The following DNAH6 variants were observed in gnomAD, a reference collection of about 807,000 sequenced individuals.
The protein encoded by DNAH6 is dynein axonemal heavy chain 6.
In DNAH6, 340 loss-of-function variants were observed where a neutral mutation model predicts 491.4. The ratio of observed to expected loss-of-function variants is 0.69; its 90% CI spans 0.63 to 0.76. The LOEUF (loss-of-function observed/expected upper bound fraction) is 0.76, where lower values mean the gene tolerates loss of function less well. Among genes scored for constraint, DNAH6 ranks in the 30% least tolerant of loss-of-function variants. DNAH6 has a pLI of 0.00. For synonymous variants in DNAH6, 1,603 were observed against 1,686.1 expected, an observed-to-expected ratio of 0.95 and a Z score of 1.21; for missense variants, 4,443 against 4,972.2, an observed-to-expected ratio of 0.89 and a Z score of 3.20.
intron 63 of DNAH6, among the ~76,000 whole-genome samples, chr2:84,753,755 T>TAA (rs1162541312): frequency 0.05 from 3,855 of 77,074 alleles, 140 homozygotes; most frequent in South Asian, 0.065. Flanking sequence ...GAAACTCTGT[T>TAA]AAAAAAAAAA....
intron 68 of DNAH6, among the ~76,000 whole-genome samples, chr2:84,792,609 CAGTT>C (rs1429351609): frequency 2.0e-5 from 3 of 152,038 alleles, no homozygotes; most frequent in South Asian, 4.2e-4. Flanking sequence ...ACTAGAGAAA[CAGTT>C]AGTAGCTCCA....
intron 55 of DNAH6, among the ~76,000 whole-genome samples, chr2:84,709,977 G>T (rs561296518): frequency 6.6e-6 from 1 of 152,310 alleles, no homozygotes; most frequent in Non-Finnish European, 1.5e-5. Context: ...CATGGATCAG[G>T]TTGTACTAAA....
chr2:84,521,536 A>C (rs1156268820), intron 2 of DNAH6, among the ~76,000 whole-genome samples: 1 of 152,138 alleles, frequency 6.6e-6, no homozygotes, highest in Non-Finnish European at 1.5e-5. Flanking sequence ...CTTTGTCATG[A>C]AATCTTTGCC....
rs1675761941 is a variant in DNAH6, at chr2:84,518,032, C to T, written c.206C>T (p.Pro69Leu). ...GAGAAGACAAGAAAACGACAGCAGC[C>T]TATAAAACTAGAGCCTTTGGTAAGT... ...AQEKTRKRQQ[P>L]IKLEPLPVLK... Residue 69 changes from proline to leucine, a missense_variant, in exon 2 of 77, where the codon CCT becomes CTT. Physicochemically the swap from Pro to Leu is moderately conservative, Grantham distance 98. Around this residue, in one of 3 missense-constraint regions of DNAH6, gnomAD observed 2,977 missense variants for 3,296.6 expected, o/e 0.90. Transcript: ENST00000389394. 6.5e-6 allele frequency: 10 copies of T among 1,548,278 alleles called. No homozygotes were observed. Among genetic ancestry groups the T allele is most frequent in the Non-Finnish European group, 8.7e-6 (10 of 1,146,184 alleles).
intron 45 of DNAH6, among the ~76,000 whole-genome samples, chr2:84,692,043 G>A (rs754028276): frequency 3.3e-5 from 5 of 152,252 alleles, no homozygotes; most frequent in Non-Finnish European, 7.3e-5. Flanking sequence ...CTGGGAGTCT[G>A]TGCCTTGTCC....
At chr2:84,677,235 CATCT>C in intron 41 of DNAH6, 99 bp downstream of exon 41, 1 of 1,451,910 alleles carries the variant, frequency 6.9e-7, no homozygotes, top group Non-Finnish European at 9.4e-7. Context: ...CTAAGGAGTC[CATCT>C]ATCCGTCTCT....
intron 72 of DNAH6, among the ~76,000 whole-genome samples, chr2:84,810,386 TCAAA>T (rs932594423): frequency 6.6e-6 from 1 of 152,110 alleles, no homozygotes; most frequent in African/African-American, 2.4e-5. Context: ...CTTTTTCTGG[TCAAA>T]CAAACCCCAG....
At chr2:84,655,379 G>A (rs986473354) in intron 35 of DNAH6, among the ~76,000 whole-genome samples, 3 of 152,082 alleles carry the variant, frequency 2.0e-5, no homozygotes, top group Admixed American at 1.3e-4. Context: ...ACTTTCTGTA[G>A]CTTCTGCATT....
chr2:84,577,771 T>C (rs1682609914), intron 13 of DNAH6, among the ~76,000 whole-genome samples: 1 of 152,216 alleles, frequency 6.6e-6, no homozygotes, highest in Non-Finnish European at 1.5e-5. Flanking sequence ...AATCATTTTC[T>C]GATCTGGAAT....
chr2:84,575,954 G>C (rs1392441181), intron 12 of DNAH6, among the ~76,000 whole-genome samples: 1 of 151,946 alleles, frequency 6.6e-6, no homozygotes. Context: ...TTGGCTATGT[G>C]GCCATAGCCA....
intron 26 of DNAH6, among the ~76,000 whole-genome samples, chr2:84,621,874 A>T (rs932291677): frequency 6.6e-6 from 1 of 152,174 alleles, no homozygotes; most frequent in Non-Finnish European, 1.5e-5. Flanking sequence ...CTCTCAGGGA[A>T]GTTTATTCAG....
chr2:84,540,146 T>C (rs1172244341), intron 4 of DNAH6, among the ~76,000 whole-genome samples: 3 of 152,162 alleles, frequency 2.0e-5, no homozygotes, highest in African/African-American at 4.8e-5. Context: ...CTCTTTCTTG[T>C]AGATATCAGA....
At chr2:84,656,961 AT>A (rs1164625096) in intron 35 of DNAH6, among the ~76,000 whole-genome samples, 1 of 152,028 alleles carries the variant, frequency 6.6e-6, no homozygotes, top group Admixed American at 6.6e-5. Context: ...TAAAAACTGT[AT>A]ATTTTTTGCT....
chr2:84,715,579 T>C lies in DNAH6; in HGVS notation c.9563T>C (p.Ile3188Thr), dbSNP rs1697446898. 6.4e-7 allele frequency: 1 copy of C among 1,551,450 alleles called. No homozygotes were observed. The highest frequency in any genetic ancestry group is 1.2e-5 in the South Asian group (1 of 84,042). Residue 3188 changes from isoleucine (I) to threonine (T), a missense_variant, in exon 58 of 77, where the codon ATT (isoleucine) becomes ACT (threonine). Around this residue, in one of 3 missense-constraint regions of DNAH6, gnomAD observed 1,463 missense variants for 1,656.6 expected, o/e 0.88. Coordinates refer to ENST00000389394, the MANE Select transcript of DNAH6 (RefSeq NM_001370.2). ...TTCCAGGTATGCATTAAAGTTACCATTATCAATTTCACTGTAACAAAATCA... is the reference window on the plus strand; with the variant it reads ...TTCCAGGTATGCATTAAAGTTACCACTATCAATTTCACTGTAACAAAATCA... ...YLPEVCIKVTIINFTVTKSGL... is the reference protein window; with the variant it reads ...YLPEVCIKVTTINFTVTKSGL...
Position 84,710,323 on chromosome 2 carries a change from G to A in DNAH6, c.9289G>A (p.Gly3097Ser). The part of the protein sequence containing the change: ...RWIRNKESKS[G>S]LKIIKLTDSN... ...GATAAGGAACAAGGAAAGCAAAAGT[G>A]GTTTAAAGATCATTAAGCTTACAGA... The change falls in exon 56 of 77, where the codon GGT becomes AGT. Residue 3097 changes from glycine to serine, a missense_variant. By Grantham distance (56) the Gly-to-Ser change is moderately conservative. Coordinates refer to ENST00000389394, the MANE Select transcript of DNAH6 (RefSeq NM_001370.2). The A allele has an allele frequency of 2.6e-6, 4 of 1,551,526 alleles. No homozygotes were observed. Among genetic ancestry groups the A allele is most frequent in the South Asian group, 2.4e-5 (2 of 84,046 alleles).
At chr2:84,587,989 A>G (rs1683735820) in intron 15 of DNAH6, among the ~76,000 whole-genome samples, 2 of 152,160 alleles carry the variant, frequency 1.3e-5, no homozygotes, top group South Asian at 4.1e-4. Context: ...ATAGCCTACA[A>G]TCCCAAGTAA....
chr2:84,488,393 TAAAAAA>T, the DNAH6 span, among the ~76,000 whole-genome samples: 305 of 150,142 alleles, frequency 2.0e-3, no homozygotes, highest in South Asian at 4.8e-3. Context: ...AATTAAAAAA[TAAAAAA>T]ATAAAAAAAT....
intron 21 of DNAH6, 105 bp downstream of exon 21, chr2:84,607,200 T>G: frequency 8.7e-7 from 1 of 1,152,380 alleles, no homozygotes; most frequent in South Asian, 1.6e-5. Context: ...TTTTAAAATG[T>G]AAGTTTTAAT....
At chr2:84,466,183 A>C in the DNAH6 span, among the ~76,000 whole-genome samples, 1 of 152,246 alleles carries the variant, frequency 6.6e-6, no homozygotes, top group African/African-American at 2.4e-5. Flanking sequence ...CTTACAGGCC[A>C]GAAACCCTGT....
Sources: allele counts gnomAD v4.1 joint callset (sites outside exome capture counted in the v4.1 genomes callset), GRCh38; gene constraint gnomAD v4.1.1; regional missense constraint gnomAD v4.1.1; transcripts MANE v1.5; gene names NCBI Gene and HGNC (gene_info 2026-07-23, HGNC 2026-07-21).